The following DACT3 variants were observed in gnomAD, a reference collection of about 807,000 sequenced individuals.
The protein encoded by DACT3 is dishevelled binding antagonist of beta catenin 3.
In DACT3, 5 loss-of-function variants were observed where a neutral mutation model predicts 19.6. The observed-to-expected ratio is 0.26, with a 90% CI of 0.13 to 0.54. The LOEUF (loss-of-function observed/expected upper bound fraction) is 0.54, where lower values mean the gene tolerates loss of function less well. DACT3 is among the 20% of genes least tolerant of loss of function. The pLI is 0.95. For missense variants in DACT3, 908 were observed against 927.4 expected (o/e 0.98, Z 0.27); for synonymous variants, 454 against 428.1 (o/e 1.06, Z -0.75).
intron 1 of DACT3, 148 bp from the exon 2 acceptor site, chr19:46,653,223 C>T: frequency 1.6e-6 from 2 of 1,220,522 alleles, no homozygotes; most frequent in Non-Finnish European, 2.2e-6. Flanking sequence ...TCCCAGGACC[C>T]CCTCAAGATC....
Position 46,660,812 on chromosome 19 carries a change from T to C in DACT3, c.249+4A>G. 1 of 1,496,482 alleles carries C rather than the reference T, an allele frequency of 6.7e-7. No individual in the cohort carries two copies. The highest frequency in any genetic ancestry group is 1.3e-5 in the South Asian group (1 of 77,960). 92.7% of individuals were successfully genotyped at this position (1,496,482 alleles called of 1,614,324 possible). ...GAGGGACGGACGGACAGGCAGCCCC[T>C]TACCAGCTGCTCCTCCAGGGCCGCT... On this transcript the variant is annotated splice_donor_region_variant and intron_variant, in intron 1 of 3. Transcript: ENST00000391916. The surrounding 1 kb of genome is among the most constrained non-coding windows in gnomAD (Gnocchi z 4.9).
rs1238893425 is a variant in DACT3, at chr19:46,649,560, C to G, written c.812G>C (p.Ser271Thr). ...CGGGCCGCCGTCCGCGCCCCCGGGA[C>G]TGGTCCGGGGCTGGCCCGCCCCCCG... Reference protein sequence around the residue: ...RRRGAGQPRTSPGGADGGPRR... With the variant: ...RRRGAGQPRTTPGGADGGPRR... The change falls in exon 4 of 4, where the codon AGT becomes ACT. Residue 271 changes from serine (S) to threonine (T), a missense_variant. Ser to Thr is a moderately conservative substitution (Grantham distance 58). This residue lies in a region of DACT3 where 656 missense variants were observed against 601.8 expected (regional missense o/e 1.09). Transcript: ENST00000391916. The G allele has an allele frequency of 9.5e-7, 1 of 1,056,146 alleles. No individual in the cohort carries two copies. The highest frequency in any genetic ancestry group is 5.4e-5 in the Admixed American group (1 of 18,410). The allele number at this position is 1,056,146 out of a possible 1,614,324, so 65.4% of individuals were successfully genotyped here.
At position 46,659,320 on chromosome 19, in the gene DACT3, G is replaced by A. The variant is rs542250758; in HGVS notation, c.249+1496C>T. 5.8e-4 allele frequency: 551 copies of A among 949,756 alleles called. 3 individuals are homozygous for A. In the African/African-American group the frequency reaches 9.1e-3, roughly 16 times the overall value. 58.8% of individuals were successfully genotyped at this position (949,756 alleles called of 1,614,324 possible). ...AGGGGGAGGAGGGGACAGAGGGACCGAGGAGAGGGAGACTGAAGGGCAGAG... is the reference window on the plus strand; with the variant it reads ...AGGGGGAGGAGGGGACAGAGGGACCAAGGAGAGGGAGACTGAAGGGCAGAG... On this transcript the variant is annotated intron_variant, in intron 1 of 3. Transcript: ENST00000391916.
At chr19:46,656,086 A>G (rs1390671347) in intron 1 of DACT3, among the ~76,000 whole-genome samples, 1 of 147,776 alleles carries the variant, frequency 6.8e-6, no homozygotes, top group Non-Finnish European at 1.5e-5. Flanking sequence ...TTTGAGATGG[A>G]ATCTAGCTCT....
At chr19:46,656,043 T>G (rs2053031894) in intron 1 of DACT3, among the ~76,000 whole-genome samples, 1 of 123,840 alleles carries the variant, frequency 8.1e-6, no homozygotes, top group Non-Finnish European at 1.6e-5. Context: ...TATATGAAAT[T>G]TATTTATTTA....
intron 1 of DACT3, chr19:46,659,248 G>T (rs1352926945): frequency 1.0e-5 from 10 of 985,048 alleles, no homozygotes; most frequent in Non-Finnish European, 1.1e-5. Flanking sequence ...GGGGGTGGGG[G>T]GACAGGCCTC....
chr19:46,655,030 T>TA (rs1000002893), intron 1 of DACT3: 23 of 983,794 alleles, frequency 2.3e-5, no homozygotes, highest in Admixed American at 6.2e-5. Context: ...AGGAAGTAAC[T>TA]AAAAAAAAAT....
In DACT3 at chr19:46,660,922, G is replaced by T; in HGVS notation, c.143C>A (p.Ala48Asp). 2 of 1,537,722 alleles carry T rather than the reference G, an allele frequency of 1.3e-6. No homozygotes were observed. Among genetic ancestry groups the T allele is most frequent in the Non-Finnish European group, 8.7e-7 (1 of 1,145,768 alleles). The change falls in exon 1 of 4, where the codon GCC (alanine) becomes GAC (aspartate). Residue 48 changes from alanine to aspartate, a missense_variant. Transcript: ENST00000391916. This position sits in a 1 kb window ranked among gnomAD's most constrained non-coding sequence, Gnocchi z 4.9. The part of the protein sequence containing the change: ...EYRVQQALRL[A>D]QPGMGGAEAE... ...CTCGGCGCCCCCCATTCCGGGCTGG[G>T]CCAGCCGCAGCGCCTGCTGCACGCG...
At position 46,660,801 on chromosome 19, in the gene DACT3, C is replaced by G. The variant is rs2053069805; in HGVS notation, c.249+15G>C. The G allele has an allele frequency of 6.8e-7, 1 of 1,472,918 alleles. No individual in the cohort carries two copies. Among genetic ancestry groups the G allele is most frequent in the African/African-American group, 1.5e-5 (1 of 68,596 alleles). 91.2% of individuals were successfully genotyped at this position (1,472,918 alleles called of 1,614,324 possible). A position where few individuals can be genotyped will look rare whatever the true frequency, so the allele number is the denominator to read the frequency against. On this transcript the variant is annotated intron_variant, in intron 1 of 3. Transcript: ENST00000391916. The surrounding 1 kb of genome is among the most constrained non-coding windows in gnomAD (Gnocchi z 4.9). The stretch of plus-strand genomic sequence containing the variant: ...AGACGGGGGTGGAGGGACGGACGGA[C>G]AGGCAGCCCCTTACCAGCTGCTCCT...
chr19:46,656,292 C>T lies in DACT3; in HGVS notation c.250-3217G>A, dbSNP rs140876821. On this transcript the variant is annotated intron_variant, in intron 1 of 3. Transcript: ENST00000391916. Reference sequence around the variant, plus strand: ...CTCGAACTCCTGACTACAAGTCATCCGCCCACCTCAGCCTCCCAAAGTGCT... The same window carrying T: ...CTCGAACTCCTGACTACAAGTCATCTGCCCACCTCAGCCTCCCAAAGTGCT... 3.9e-5 allele frequency among the ~76,000 whole-genome samples: 6 copies of T among 152,050 alleles called. No individual in the cohort carries two copies. The South Asian group carries it at 6.2e-4, about 16-fold the overall frequency.
At chr19:46,650,324 G>A (rs1186537473) in intron 3 of DACT3, 2 of 151,662 alleles carry the variant, frequency 1.3e-5, no homozygotes, top group African/African-American at 2.4e-5. Context: ...GGGTTTCACC[G>A]TGTTCGCCAG....
intron 3 of DACT3, chr19:46,651,642 G>GTT (rs1201466048): frequency 1.6e-5 from 2 of 121,806 alleles, no homozygotes; most frequent in African/African-American, 6.4e-5. Flanking sequence ...GGCAGGCACT[G>GTT]TTTGTGTGTG....
chr19:46,654,481 CAAAAAAA>C lies in DACT3; in HGVS notation c.250-1413_250-1407del, dbSNP rs78287248. 45 of 724,718 alleles carry C rather than the reference CAAAAAAA, an allele frequency of 6.2e-5. 1 individual carries two copies. Among genetic ancestry groups the C allele is most frequent in the Non-Finnish European group, 4.7e-5 (30 of 633,458 alleles). 44.9% of individuals were successfully genotyped at this position (724,718 alleles called of 1,614,324 possible). ...AGCCTAAGCAACACAGCAAGACTGA[CAAAAAAA>C]AAAAAAAAGGAAAAAAGAAAAAGAA... is the stretch of plus-strand genomic sequence containing the variant. On this transcript the variant is annotated intron_variant, in intron 1 of 3. Coordinates refer to ENST00000391916, the MANE Select transcript of DACT3 (RefSeq NM_145056.3).
intron 1 of DACT3, chr19:46,655,057 G>A: frequency 2.0e-6 from 2 of 985,366 alleles, no homozygotes; most frequent in Non-Finnish European, 2.4e-6. Context: ...GACCTACCAT[G>A]TACCCCATGT....
intron 1 of DACT3, among the ~76,000 whole-genome samples, chr19:46,653,851 G>A (rs187818425): frequency 3.3e-5 from 5 of 152,226 alleles, no homozygotes; most frequent in Admixed American, 1.3e-4. Context: ...ACTGCGCCCA[G>A]CCTCTCCCCG....
intron 1 of DACT3, among the ~76,000 whole-genome samples, chr19:46,658,805 C>T (rs996478939): frequency 6.6e-6 from 1 of 152,016 alleles, no homozygotes; most frequent in Non-Finnish European, 1.5e-5. Flanking sequence ...GTATCCAGTG[C>T]CCATTTATCT....
At chr19:46,659,272 C>T (rs966011009) in intron 1 of DACT3, 3 of 984,812 alleles carry the variant, frequency 3.0e-6, no homozygotes, top group South Asian at 9.4e-5. Context: ...ACTATCAGCT[C>T]GTGCCGGGAG....
intron 1 of DACT3, among the ~76,000 whole-genome samples, chr19:46,656,027 T>C (rs1795018670): frequency 6.8e-6 from 1 of 147,496 alleles, no homozygotes; most frequent in African/African-American, 2.5e-5. Context: ...TACACATATA[T>C]GTATATATAT....
Position 46,648,558 on chromosome 19 carries a change from A to G in DACT3, c.1814T>C (p.Ile605Thr). 1 of 1,613,712 alleles carries G rather than the reference A, an allele frequency of 6.2e-7. No homozygotes were observed. Among genetic ancestry groups the G allele is most frequent in the Non-Finnish European group, 8.5e-7 (1 of 1,179,798 alleles). ...PAGPAKVFVK[I>T]KASHALKKKI... ...TTTCTTGAGCGCGTGGGAAGCTTTG[A>G]TTTTCACGAAGACTTTGGCGGGGCC... Residue 605 changes from isoleucine to threonine, a missense_variant, in exon 4 of 4, where the codon ATC becomes ACC. Physicochemically the swap from Ile to Thr is moderately conservative, Grantham distance 89 (BLOSUM62 -1). Transcript: ENST00000391916. The surrounding 1 kb of genome is among the most constrained non-coding windows in gnomAD (Gnocchi z 5.1).
Sources: allele counts gnomAD v4.1 joint callset (sites outside exome capture counted in the v4.1 genomes callset), GRCh38; gene constraint gnomAD v4.1.1; regional missense constraint gnomAD v4.1.1; non-coding constraint Gnocchi (gnomAD v3.1); transcripts MANE v1.5; gene names NCBI Gene and HGNC (gene_info 2026-07-23, HGNC 2026-07-21).